SEMA6D: variants seen among roughly 807,000 people sequenced by gnomAD.
SEMA6D encodes the protein semaphorin 6D.
Under a neutral mutation model 106.6 loss-of-function variants are expected in SEMA6D, and 35 were observed. That is an observed-to-expected ratio of 0.33 (90% CI 0.25 to 0.44). The LOEUF is 0.44. Ranked by LOEUF, SEMA6D falls within the 20% of genes least tolerant of loss-of-function variation. SEMA6D has a pLI of 1.00. For synonymous variants in SEMA6D, 499 were observed against 487.7 expected, an observed-to-expected ratio of 1.02 and a Z score of -0.31; for missense variants, 1,185 against 1,345.9, an observed-to-expected ratio of 0.88 and a Z score of 1.87.
intron 2 of SEMA6D, among the ~76,000 whole-genome samples, chr15:47,441,608 C>G (rs1241883291): frequency 1.3e-5 from 2 of 152,110 alleles, no homozygotes; most frequent in Non-Finnish European, 2.9e-5. Flanking sequence ...GTTTTGGCAA[C>G]AGCAGATCCC....
intron 1 of SEMA6D, among the ~76,000 whole-genome samples, chr15:47,365,443 A>C (rs934195918): frequency 2.0e-5 from 3 of 152,166 alleles, no homozygotes; most frequent in African/African-American, 7.2e-5. Flanking sequence ...GGCTGTGAAT[A>C]TCTCTTTCCC....
intron 3 of SEMA6D, among the ~76,000 whole-genome samples, chr15:47,551,673 CTGTGTGTGTG>C (rs3050565): frequency 1.4e-5 from 2 of 141,252 alleles, no homozygotes; most frequent in African/African-American, 2.6e-5. Context: ...ATCTGGGACT[CTGTGTGTGTG>C]TGTGTGTGTG....
intron 4 of SEMA6D, among the ~76,000 whole-genome samples, chr15:47,623,107 T>C (rs8025708): frequency 0.31 from 47,648 of 151,998 alleles, 7,936 homozygotes; most frequent in East Asian, 0.45. Context: ...AATAGTGATG[T>C]CAAGTTTCTA....
chr15:47,203,913 GTTAA>G (rs1207040266), intron 1 of SEMA6D, among the ~76,000 whole-genome samples: 1 of 152,138 alleles, frequency 6.6e-6, no homozygotes, highest in African/African-American at 2.4e-5. Context: ...TTACATAGAA[GTTAA>G]TTATTTTAAA....
At chr15:47,468,182 TGTGTGTGTGTGTA>T (rs1258144159) in intron 2 of SEMA6D, among the ~76,000 whole-genome samples, 3 of 151,354 alleles carry the variant, frequency 2.0e-5, no homozygotes, top group African/African-American at 7.3e-5. Flanking sequence ...TGTGTGCGGG[TGTGTGTGTGTGTA>T]TGTGTGTTCA....
chr15:47,684,640 GAACATAGGTTACTCT>G (rs1210988184), intron 4 of SEMA6D, among the ~76,000 whole-genome samples: 1 of 152,104 alleles, frequency 6.6e-6, no homozygotes. Flanking sequence ...ATGAATGAAT[GAACATAGGTTACTCT>G]AAGGTTACTA....
At chr15:47,450,689 T>G (rs2042164377) in intron 2 of SEMA6D, among the ~76,000 whole-genome samples, 1 of 152,032 alleles carries the variant, frequency 6.6e-6, no homozygotes, top group South Asian at 2.1e-4. Context: ...GTAGTTTGAC[T>G]TAAGGGAAGG....
intron 2 of SEMA6D, among the ~76,000 whole-genome samples, chr15:47,449,195 C>T (rs964902531): frequency 1.3e-5 from 2 of 152,038 alleles, no homozygotes; most frequent in Non-Finnish European, 2.9e-5. Context: ...CACATATTCT[C>T]ATGTTTTATT....
In SEMA6D at chr15:47,764,213, C is replaced by T. The variant is rs750198146; in HGVS notation, c.1005C>T (p.Asp335=). The change falls in exon 11 of 19, where the codon GAC becomes GAT. Residue 335 remains aspartate (D), a synonymous_variant. Coordinates refer to ENST00000536845, the MANE Select transcript of SEMA6D (RefSeq NM_001358351.3). The stretch of plus-strand genomic sequence containing the variant: ...CTGTCTGTGCATTTAGCATGGATGA[C>T]ATTGAAAAAGTATTCAAAGGACGGT... ...GSAVCAFSMD[D]IEKVFKGRFK... 1 of 1,613,736 alleles carries T rather than the reference C, an allele frequency of 6.2e-7. No individual in the cohort carries two copies. Among genetic ancestry groups the T allele is most frequent in the Non-Finnish European group, 8.5e-7 (1 of 1,179,784 alleles).
chr15:47,485,391 A>G (rs1270725151), intron 3 of SEMA6D, among the ~76,000 whole-genome samples: 4 of 152,154 alleles, frequency 2.6e-5, no homozygotes, highest in Non-Finnish European at 4.4e-5. Flanking sequence ...ACACAAAATG[A>G]CCACAATTAG....
At chr15:47,554,151 T>C (rs1289400537) in intron 3 of SEMA6D, among the ~76,000 whole-genome samples, 1 of 152,190 alleles carries the variant, frequency 6.6e-6, no homozygotes, top group Admixed American at 6.6e-5. Flanking sequence ...AACAGGAAGA[T>C]TGGATTACTT....
At chr15:47,730,804 A>C (rs2080071206) in intron 1 of SEMA6D, 10 of 1,586,888 alleles carry the variant, frequency 6.3e-6, no homozygotes, top group Non-Finnish European at 8.5e-6. Context: ...TTTGGGCTGG[A>C]TGTCCTGTCC....
intron 3 of SEMA6D, among the ~76,000 whole-genome samples, chr15:47,475,232 T>C (rs1464712909): frequency 1.3e-5 from 2 of 152,224 alleles, no homozygotes; most frequent in African/African-American, 4.8e-5. Context: ...TAGCAATATA[T>C]TCGAGCCCTG....
intron 3 of SEMA6D, among the ~76,000 whole-genome samples, chr15:47,472,517 A>G (rs1000138958): frequency 2.6e-5 from 4 of 152,330 alleles, no homozygotes; most frequent in Middle Eastern, 3.4e-3. Flanking sequence ...GCCTCCATGT[A>G]GTAGAAGGAA....
chr15:47,680,437 A>C (rs186378489), intron 4 of SEMA6D, among the ~76,000 whole-genome samples: 1 of 152,320 alleles, frequency 6.6e-6, no homozygotes, highest in East Asian at 1.9e-4. Context: ...TTGATTAATG[A>C]ATTTATTATT....
intron 3 of SEMA6D, among the ~76,000 whole-genome samples, chr15:47,588,985 A>G (rs2076390341): frequency 6.6e-6 from 1 of 152,214 alleles, no homozygotes; most frequent in African/African-American, 2.4e-5. Context: ...GTTGCTAAAC[A>G]TCGTACGGTG....
chr15:47,301,053 A>G (rs2035999300), intron 1 of SEMA6D, among the ~76,000 whole-genome samples: 1 of 152,234 alleles, frequency 6.6e-6, no homozygotes, highest in African/African-American at 2.4e-5. Flanking sequence ...GACTGTGGGT[A>G]TAGAATGTGG....
At chr15:47,669,733 G>A (rs575666691) in intron 4 of SEMA6D, among the ~76,000 whole-genome samples, 2 of 152,152 alleles carry the variant, frequency 1.3e-5, no homozygotes, top group Non-Finnish European at 2.9e-5. Context: ...TTCAGGGAAA[G>A]AAATGTTCTT....
intron 1 of SEMA6D, among the ~76,000 whole-genome samples, chr15:47,325,091 CA>C (rs1209257867): frequency 6.6e-6 from 1 of 152,064 alleles, no homozygotes; most frequent in Non-Finnish European, 1.5e-5. Context: ...ATAGAGTAGG[CA>C]ATATTTAATT....
Sources: allele counts gnomAD v4.1 joint callset (sites outside exome capture counted in the v4.1 genomes callset), GRCh38; gene constraint gnomAD v4.1.1; transcripts MANE v1.5; gene names NCBI Gene and HGNC (gene_info 2026-07-23, HGNC 2026-07-21).